The following C2orf72 variants were observed in gnomAD, a reference collection of about 807,000 sequenced individuals.
The protein encoded by C2orf72 is uncharacterized protein C2orf72.
C2orf72 carries 16 observed loss-of-function variants against 14.4 expected under a neutral mutation model. The observed-to-expected ratio is 1.11, with a 90% CI of 0.75 to 1.69. C2orf72 has a LOEUF of 1.69. C2orf72 is among the 40% of genes most tolerant of loss of function. The pLI, the probability that C2orf72 is intolerant of heterozygous loss-of-function variation, is 0.00. For missense variants in C2orf72, 371 were observed against 358.3 expected (o/e 1.04, Z -0.29); for synonymous variants, 168 against 176.8 (o/e 0.95, Z 0.40).
At chr2:231,040,692 G>T (rs1372326312) in intron 1 of C2orf72, among the ~76,000 whole-genome samples, 1 of 152,166 alleles carries the variant, frequency 6.6e-6, no homozygotes, top group Non-Finnish European at 1.5e-5. Context: ...TTGCCTTTTG[G>T]CAGTGCCCTT....
At chr2:231,045,810 G>A (rs181267701) in intron 2 of C2orf72, among the ~76,000 whole-genome samples, 2 of 152,206 alleles carry the variant, frequency 1.3e-5, no homozygotes, top group Admixed American at 6.5e-5. Flanking sequence ...GAGCCACGGC[G>A]CCCGGCCAGC....
In C2orf72 at chr2:231,037,924, A is replaced by G; in HGVS notation, c.359A>G (p.Glu120Gly). ...CGCGCGTCGTCGCTGGCCGCCCGGG[A>G]GCCGCGGCGCCGCCTGCGGGAGATG... ...LCRASSLAAR[E>G]PRRRLREMLR... Residue 120 changes from glutamate to glycine, a missense_variant, in exon 1 of 3, where the codon GAG becomes GGG. Transcript: ENST00000373640. The G allele has an allele frequency of 9.7e-7, 1 of 1,026,362 alleles. No individual in the cohort carries two copies. The allele number at this position is 1,026,362 out of a possible 1,614,324, so 63.6% of individuals were successfully genotyped here.
At chr2:231,038,567 G>A (rs1478794035) in intron 1 of C2orf72, among the ~76,000 whole-genome samples, 4 of 151,946 alleles carry the variant, frequency 2.6e-5, no homozygotes, top group Non-Finnish European at 2.9e-5. Flanking sequence ...GGAAAGCCTT[G>A]GGATGGGAAA....
chr2:231,042,471 T>C (rs772240761), intron 2 of C2orf72, among the ~76,000 whole-genome samples: 1 of 152,226 alleles, frequency 6.6e-6, no homozygotes. Context: ...AAATATCTTA[T>C]TGGACTGTAC....
At chr2:231,043,374 A>G (rs1201064226) in intron 2 of C2orf72, among the ~76,000 whole-genome samples, 1 of 151,954 alleles carries the variant, frequency 6.6e-6, no homozygotes, top group East Asian at 1.9e-4. Context: ...TCTGCCTGTC[A>G]TGTTTGAAAA....
rs1693274085 is a variant in C2orf72, at chr2:231,037,803, C to T, written c.238C>T (p.Arg80Cys). The T allele has an allele frequency of 6.1e-6, 6 of 981,646 alleles. No homozygotes were observed. In the South Asian group the frequency reaches 2.7e-4, roughly 44 times the overall value. The allele number at this position is 981,646 out of a possible 1,614,324, so 60.8% of individuals were successfully genotyped here. Residue 80 changes from arginine (R) to cysteine (C), a missense_variant, in exon 1 of 3, where the codon CGC becomes TGC. This residue lies in a region of C2orf72 where 214 missense variants were observed against 178.7 expected (regional missense o/e 1.20). Transcript: ENST00000373640. Reference sequence around the variant, plus strand: ...AGAGGGCGCGGGGCCCGGGGCGGCGCGCGGGGCGCAGAGGGCGGCGAGGGC... The same window carrying T: ...AGAGGGCGCGGGGCCCGGGGCGGCGTGCGGGGCGCAGAGGGCGGCGAGGGC... ...AAEGAGPGAA[R>C]GAQRAARAAG...
intron 2 of C2orf72, among the ~76,000 whole-genome samples, chr2:231,045,510 C>CTTTTTT (rs1007020692): frequency 2.3e-4 from 20 of 87,406 alleles, no homozygotes; most frequent in East Asian, 3.5e-4. Flanking sequence ...GTGTTTCAAT[C>CTTTTTT]TTTTTTTTTT....
At position 231,040,236 on chromosome 2, in the gene C2orf72, C is replaced by T. The variant is rs78141312; in HGVS notation, c.635-1060C>T. On this transcript the variant is annotated intron_variant, in intron 1 of 2. Coordinates refer to ENST00000373640, the MANE Select transcript of C2orf72 (RefSeq NM_001144994.2). ...TCCCAGAACCCTTTATCCCTTTGCTCTCTGAGCTCTTACCACATGATTTCG... is the reference window on the plus strand; with the variant it reads ...TCCCAGAACCCTTTATCCCTTTGCTTTCTGAGCTCTTACCACATGATTTCG... 5.3e-3 allele frequency among the ~76,000 whole-genome samples: 808 copies of T among 152,300 alleles called. 6 individuals are homozygous for T. The highest frequency in any genetic ancestry group is 0.018 in the African/African-American group (741 of 41,552).
rs745919492 is a variant in C2orf72 at position 231,047,274 on chromosome 2, T to C, written c.*253T>C. Reference sequence around the variant, plus strand: ...AGGGAGGTTATTTTGTCTCTCTGTCTCGGTTTCTCTGAGCCACTGAGACAG... The same window carrying C: ...AGGGAGGTTATTTTGTCTCTCTGTCCCGGTTTCTCTGAGCCACTGAGACAG... On this transcript the variant is annotated 3_prime_UTR_variant, in exon 3 of 3. Coordinates refer to ENST00000373640, the MANE Select transcript of C2orf72 (RefSeq NM_001144994.2). 16 of 563,720 alleles carry C rather than the reference T, an allele frequency of 2.8e-5. No individual in the cohort carries two copies. Among genetic ancestry groups the C allele is most frequent in the Non-Finnish European group, 5.0e-5 (15 of 302,546 alleles). 34.9% of individuals were successfully genotyped at this position (563,720 alleles called of 1,614,324 possible). A position where few individuals can be genotyped will look rare whatever the true frequency, so the allele number is the denominator to read the frequency against.
At chr2:231,038,609 T>C (rs113067708) in intron 1 of C2orf72, among the ~76,000 whole-genome samples, 79 of 152,016 alleles carry the variant, frequency 5.2e-4, no homozygotes, top group African/African-American at 1.9e-3. Context: ...GCTAAGGAGA[T>C]TGGCGGTGCC....
At chr2:231,044,908 A>G (rs998314097) in intron 2 of C2orf72, among the ~76,000 whole-genome samples, 7 of 146,382 alleles carry the variant, frequency 4.8e-5, no homozygotes, top group African/African-American at 1.8e-4. Flanking sequence ...CTATATATAT[A>G]TATAAACTTT....
intron 1 of C2orf72, 82 bp downstream of exon 1, chr2:231,038,281 C>G: frequency 9.5e-7 from 1 of 1,050,628 alleles, no homozygotes; most frequent in Non-Finnish European, 1.2e-6. Flanking sequence ...TTGGCCATTC[C>G]CTTATTGAGC....
chr2:231,047,094 G>A lies in C2orf72; in HGVS notation c.*73G>A, dbSNP rs1315951548. On this transcript the variant is annotated 3_prime_UTR_variant, in exon 3 of 3. Coordinates refer to ENST00000373640, the MANE Select transcript of C2orf72 (RefSeq NM_001144994.2). ...CTGGCTCCGTCTTACTGGCCCCCAG[G>A]TCTCCATGGAGACTGCAGAAACCCC... The A allele has an allele frequency of 1.9e-6, 3 of 1,539,064 alleles. No individual in the cohort carries two copies. The highest frequency in any genetic ancestry group is 1.2e-5 in the South Asian group (1 of 83,728).
At chr2:231,046,401 A>G (rs534491834) in intron 2 of C2orf72, among the ~76,000 whole-genome samples, 48 of 152,090 alleles carry the variant, frequency 3.2e-4, no homozygotes, top group Non-Finnish European at 6.2e-4. Flanking sequence ...TGTGTGAGCC[A>G]TAGTTCACTC....
Position 231,041,400 on chromosome 2 carries a change from T to C in C2orf72, c.739T>C (p.Ser247Pro). The C allele has an allele frequency of 6.4e-7, 1 of 1,551,026 alleles. No homozygotes were observed. ...KNQDVAACRS[S>P]AQEDFQEPEE... ...CCAGGATGTTGCTGCCTGCAGAAGCTCAGCTCAGGGTGAGTGCTCCCCGAC... is the reference window on the plus strand; with the variant it reads ...CCAGGATGTTGCTGCCTGCAGAAGCCCAGCTCAGGGTGAGTGCTCCCCGAC... The change falls in exon 2 of 3, where the codon TCA (serine) becomes CCA (proline). Residue 247 changes from serine (S) to proline (P), a missense_variant. Transcript: ENST00000373640.
Position 231,047,221 on chromosome 2 carries a change from C to T in C2orf72, c.*200C>T, listed in dbSNP as rs979630162. The T allele has an allele frequency of 2.8e-6, 2 of 710,896 alleles. No homozygotes were observed. The highest frequency in any genetic ancestry group is 3.0e-5 in the South Asian group (2 of 67,070). 44.0% of individuals were successfully genotyped at this position (710,896 alleles called of 1,614,324 possible). On this transcript the variant is annotated 3_prime_UTR_variant, in exon 3 of 3. Transcript: ENST00000373640. ...AGTGTCTCCCCTGGGAACCTACTCC[C>T]CACCCAGCATTTGCTAAGTCTGATC...
chr2:231,046,338 G>GT (rs58899330), intron 2 of C2orf72, among the ~76,000 whole-genome samples: 8 of 133,072 alleles, frequency 6.0e-5, no homozygotes, highest in Non-Finnish European at 1.1e-4. Flanking sequence ...GTGTGTGTGT[G>GT]TTTAGGTCTG....
At chr2:231,044,213 C>T (rs1175277911) in intron 2 of C2orf72, among the ~76,000 whole-genome samples, 1 of 152,158 alleles carries the variant, frequency 6.6e-6, no homozygotes, top group Non-Finnish European at 1.5e-5. Flanking sequence ...AATGGGAAGA[C>T]CTAGGACATT....
chr2:231,044,251 C>T (rs1282526376), intron 2 of C2orf72, among the ~76,000 whole-genome samples: 4 of 152,292 alleles, frequency 2.6e-5, no homozygotes, highest in Admixed American at 6.5e-5. Flanking sequence ...ACTATATAAA[C>T]GCAGTACACT....
Sources: allele counts gnomAD v4.1 joint callset (sites outside exome capture counted in the v4.1 genomes callset), GRCh38; gene constraint gnomAD v4.1.1; regional missense constraint gnomAD v4.1.1; transcripts MANE v1.5; gene names NCBI Gene and HGNC (gene_info 2026-07-23, HGNC 2026-07-21).